NUP210: variants seen among roughly 807,000 people sequenced by gnomAD.
NUP210 encodes nuclear pore membrane glycoprotein 210.
Under a neutral mutation model 196.0 loss-of-function variants are expected in NUP210, and 151 were observed. The ratio of observed to expected loss-of-function variants is 0.77; its 90% CI spans 0.67 to 0.88. NUP210 has a LOEUF of 0.88. Ranked by LOEUF, NUP210 falls within the 40% of genes least tolerant of loss-of-function variation. The pLI is 0.00. For missense variants in NUP210, 2,314 were observed against 2,493.7 expected, an observed-to-expected ratio of 0.93 and a Z score of 1.53; for synonymous variants, 1,070 against 1,052.7, an observed-to-expected ratio of 1.02 and a Z score of -0.32.
intron 1 of NUP210, among the ~76,000 whole-genome samples, chr3:13,406,705 A>G (rs1179968403): frequency 2.0e-5 from 3 of 152,182 alleles, no homozygotes; most frequent in Non-Finnish European, 4.4e-5. Context: ...CTGCCCATCC[A>G]GTCTAAATGA....
At chr3:13,371,114 C>T (rs1698715982) in intron 13 of NUP210, among the ~76,000 whole-genome samples, 1 of 152,260 alleles carries the variant, frequency 6.6e-6, no homozygotes, top group Non-Finnish European at 1.5e-5. Flanking sequence ...TGGTCTTCTT[C>T]TTCGGCAAAT....
At chr3:13,378,825 G>T in intron 8 of NUP210, 87 bp downstream of exon 8, 2 of 997,440 alleles carry the variant, frequency 2.0e-6, no homozygotes, top group Non-Finnish European at 3.2e-6. Flanking sequence ...AGCATTTTCT[G>T]TGGAGCTATT....
At position 13,337,857 on chromosome 3, in the gene NUP210, G is replaced by A. The variant is rs201803331; in HGVS notation, c.3532C>T (p.Arg1178Trp). The A allele has an allele frequency of 2.1e-4, 335 of 1,611,706 alleles. No individual in the cohort carries two copies. The highest frequency in any genetic ancestry group is 1.5e-4 in the Non-Finnish European group (175 of 1,179,646). ...RAVRIRAPIM[R>W]MRTGTQMPIY... ...CTCACCTGGGTGCCCGTCCTCATCC[G>A]CATGATGGGGGCGCGGATCCTCACG... The change falls in exon 26 of 40, where the codon CGG (arginine) becomes TGG (tryptophan). Residue 1178 changes from arginine (R) to tryptophan (W), a missense_variant. Physicochemically the swap from Arg to Trp is moderately radical, Grantham distance 101. Coordinates refer to ENST00000254508, the MANE Select transcript of NUP210 (RefSeq NM_024923.4).
Position 13,321,614 on chromosome 3 carries a change from C to T in NUP210, c.5137G>A (p.Gly1713Ser), listed in dbSNP as rs1444209491. The T allele has an allele frequency of 1.2e-6, 2 of 1,614,072 alleles. No homozygotes were observed. Reference protein sequence around the residue: ...HYTSSEIRVFGAPEVLENLEV... With the variant: ...HYTSSEIRVFSAPEVLENLEV... Reference sequence around the variant, plus strand: ...AAGTTCTCCAGAACCTCCGGGGCACCAAAGACCCTGATCTCGGAACTGGTG... The same window carrying T: ...AAGTTCTCCAGAACCTCCGGGGCACTAAAGACCCTGATCTCGGAACTGGTG... Residue 1713 changes from glycine (G) to serine (S), a missense_variant, in exon 36 of 40, where the codon GGT becomes AGT. Physicochemically the swap from Gly to Ser is moderately conservative, Grantham distance 56. Coordinates refer to ENST00000254508, the MANE Select transcript of NUP210 (RefSeq NM_024923.4).
chr3:13,417,479 C>T (rs771543432), intron 1 of NUP210, among the ~76,000 whole-genome samples: 30 of 152,172 alleles, frequency 2.0e-4, no homozygotes, highest in Non-Finnish European at 4.0e-4. Context: ...GTCTGAGAGA[C>T]TTAACAATGA....
rs1034464121 is a variant in NUP210, at chr3:13,323,566, G to A, written c.4645-134C>T. ...ACAGGTGGCAACACTGAGGCTCAAA[G>A]CCTAAACGCCTTGCTAGAATGTGGC... On this transcript the variant is annotated intron_variant, in intron 33 of 39. Coordinates refer to ENST00000254508, the MANE Select transcript of NUP210 (RefSeq NM_024923.4). This position sits in a 1 kb window ranked among gnomAD's most constrained non-coding sequence, Gnocchi z 4.3. 1.1e-6 allele frequency: 1 copy of A among 944,480 alleles called. No homozygotes were observed. The highest frequency in any genetic ancestry group is 1.6e-6 in the Non-Finnish European group (1 of 635,486). The allele number at this position is 944,480 out of a possible 1,614,324, so 58.5% of individuals were successfully genotyped here.
At position 13,337,896 on chromosome 3, in the gene NUP210, GC is replaced by G; in HGVS notation, c.3492del (p.Leu1165CysfsTer3). The G allele has an allele frequency of 6.2e-7, 1 of 1,613,084 alleles. No homozygotes were observed. Among genetic ancestry groups the G allele is most frequent in the Non-Finnish European group, 8.5e-7 (1 of 1,179,910 alleles). On this transcript the variant is annotated frameshift_variant, in exon 26 of 40. Coordinates refer to ENST00000254508, the MANE Select transcript of NUP210 (RefSeq NM_024923.4). LOFTEE classifies it high-confidence loss of function. The part of the protein sequence containing the change: ...IISQDLVQVE[V>X]LLLRAVRIRA... ...CGGATCCTCACGGCCCTTAGCAGCA[GC>G]ACCTCCACCTGCACGAGGTCCTGGG...
intron 36 of NUP210, 40 bp downstream of exon 36, chr3:13,321,545 C>T (rs1252883478): frequency 2.5e-6 from 4 of 1,592,684 alleles, no homozygotes; most frequent in African/African-American, 1.3e-5. Flanking sequence ...CCTGATGCCC[C>T]TGACTCCGGC....
At chr3:13,346,678 A>C (rs1475817452) in intron 20 of NUP210, among the ~76,000 whole-genome samples, 4 of 152,184 alleles carry the variant, frequency 2.6e-5, no homozygotes. Context: ...TGGAGCCCTG[A>C]TCACATTTCA....
In NUP210 at chr3:13,340,359, ACT is replaced by A; in HGVS notation, c.3229-63_3229-62del. 7.1e-7 allele frequency: 1 copy of A among 1,413,932 alleles called. No individual in the cohort carries two copies. The highest frequency in any genetic ancestry group is 2.3e-5 in the East Asian group (1 of 43,670). 87.6% of individuals were successfully genotyped at this position (1,413,932 alleles called of 1,614,324 possible). ...CCCCAAGCCCATGGCGCCAAGCATAACTCACACACTACATGTTTCATGAGAGG... is the reference window on the plus strand; with the variant it reads ...CCCCAAGCCCATGGCGCCAAGCATAACACACACTACATGTTTCATGAGAGG... On this transcript the variant is annotated intron_variant, in intron 23 of 39. Coordinates refer to ENST00000254508, the MANE Select transcript of NUP210 (RefSeq NM_024923.4). This position sits in a 1 kb window ranked among gnomAD's most constrained non-coding sequence, Gnocchi z 4.0.
At chr3:13,401,292 G>A (rs79936593) in intron 1 of NUP210, among the ~76,000 whole-genome samples, 1,134 of 89,178 alleles carry the variant, frequency 0.013, 19 homozygotes, top group African/African-American at 0.041. Context: ...GCAATGGTGC[G>A]GAACACACCT....
chr3:13,362,614 T>C (rs1359629392), intron 14 of NUP210, among the ~76,000 whole-genome samples: 4 of 152,202 alleles, frequency 2.6e-5, no homozygotes, highest in African/African-American at 7.2e-5. Context: ...AATATGAACA[T>C]TTTTGGGATC....
chr3:13,376,204 G>C, intron 10 of NUP210, 87 bp downstream of exon 10: 1 of 1,428,838 alleles, frequency 7.0e-7, no homozygotes, highest in Non-Finnish European at 9.7e-7. Context: ...AACTCCCTGG[G>C]ACTCATGGCC....
chr3:13,387,471 C>T (rs988442174), intron 5 of NUP210, among the ~76,000 whole-genome samples: 11 of 152,222 alleles, frequency 7.2e-5, no homozygotes, highest in East Asian at 5.8e-4. Context: ...CAGAGTCCTA[C>T]GGGATTAGCC....
chr3:13,386,135 A>C, intron 6 of NUP210, 140 bp downstream of exon 6: 1 of 865,832 alleles, frequency 1.2e-6, no homozygotes, highest in Non-Finnish European at 1.8e-6. Flanking sequence ...TGATGGCTGC[A>C]GAAGAGTGTG....
chr3:13,406,361 G>A (rs1011642948), intron 1 of NUP210, among the ~76,000 whole-genome samples: 3 of 152,192 alleles, frequency 2.0e-5, no homozygotes, highest in African/African-American at 4.8e-5. Flanking sequence ...GGGACCCACC[G>A]TGAGGAACAG....
chr3:13,336,858 C>T lies in NUP210; in HGVS notation c.3613G>A (p.Val1205Met), dbSNP rs762894928. ...GACCAGTGGAAGGTCAGGCCTGGCA[C>T]GGCATTGCCAAAGGAGAAAGGGTTC... ...HQNPFSFGNA[V>M]PGLTFHWSVT... Residue 1205 changes from valine (V) to methionine (M), a missense_variant, in exon 27 of 40, where the codon GTG becomes ATG. Val to Met is a conservative substitution (Grantham distance 21, BLOSUM62 1). Coordinates refer to ENST00000254508, the MANE Select transcript of NUP210 (RefSeq NM_024923.4). 7.0e-5 allele frequency: 113 copies of T among 1,613,780 alleles called. No individual in the cohort carries two copies. Among genetic ancestry groups the T allele is most frequent in the Non-Finnish European group, 8.9e-5 (105 of 1,179,916 alleles).
chr3:13,327,288 G>A lies in NUP210; in HGVS notation c.4436C>T (p.Ser1479Phe), dbSNP rs772501762. The change falls in exon 32 of 40, where the codon TCC (serine) becomes TTC (phenylalanine). Residue 1479 changes from serine (S) to phenylalanine (F), a missense_variant. By Grantham distance (155) the Ser-to-Phe change is radical. Coordinates refer to ENST00000254508, the MANE Select transcript of NUP210 (RefSeq NM_024923.4). Reference sequence around the variant, plus strand: ...CACCATGGCCCCAGACAGCTCTGGGGAGATGGCCTGTAGGACAGGCAGGGG... The same window carrying A: ...CACCATGGCCCCAGACAGCTCTGGGAAGATGGCCTGTAGGACAGGCAGGGG... ...FMPLPVLQAI[S>F]PELSGAMVVG... is the part of the protein sequence containing the mutation. 2 of 1,613,496 alleles carry A rather than the reference G, an allele frequency of 1.2e-6. No homozygotes were observed. The highest frequency in any genetic ancestry group is 2.2e-5 in the South Asian group (2 of 91,070).
intron 13 of NUP210, among the ~76,000 whole-genome samples, chr3:13,369,650 G>T (rs1023011257): frequency 5.9e-5 from 9 of 152,204 alleles, no homozygotes; most frequent in African/African-American, 1.9e-4. Context: ...GGTTGTCCCA[G>T]CACCATTTGG....
Sources: gnomAD v4.1 joint callset for allele counts (sites outside exome capture counted in the v4.1 genomes callset) on GRCh38, gnomAD v4.1.1 for gene constraint, Gnocchi (gnomAD v3.1) non-coding constraint, MANE v1.5 for transcripts, NCBI Gene and HGNC (gene_info 2026-07-23, HGNC 2026-07-21) for gene names.